Variants in C16orf74 observed in about 807,000 individuals in gnomAD.
C16orf74 encodes calcimembrin, also known as uncharacterized protein C16orf74.
A neutral mutation model predicts 6.5 loss-of-function variants in C16orf74; 10 were observed. The ratio of observed to expected loss-of-function variants is 1.54; its 90% CI spans 0.95 to 2.61. The LOEUF is 2.61. Ranked by LOEUF, C16orf74 falls within the 30% of genes most tolerant of loss-of-function variation. The probability of loss-of-function intolerance (pLI) is 0.00; values close to 1 mark genes in which losing one functional copy is unlikely to be tolerated. For missense variants in C16orf74, 141 were observed against 105.9 expected (o/e 1.33, Z -1.45); for synonymous variants, 60 against 42.5 (o/e 1.41, Z -1.60).
At chr16:85,730,974 T>C (rs903342549) in intron 2 of C16orf74, among the ~76,000 whole-genome samples, 1 of 152,162 alleles carries the variant, frequency 6.6e-6, no homozygotes, top group Non-Finnish European at 1.5e-5. Flanking sequence ...CTGAATTAAA[T>C]AAAACATATT....
intron 2 of C16orf74, among the ~76,000 whole-genome samples, chr16:85,721,238 T>C (rs2054079567): frequency 6.6e-6 from 1 of 151,778 alleles, no homozygotes; most frequent in Admixed American, 6.6e-5. Flanking sequence ...AGCCACGTAC[T>C]TGGCACCCTG....
intron 2 of C16orf74, among the ~76,000 whole-genome samples, chr16:85,731,552 G>C (rs1472707398): frequency 6.6e-6 from 1 of 152,148 alleles, no homozygotes; most frequent in Non-Finnish European, 1.5e-5. Context: ...TGGTGCCCTG[G>C]GCAGCGTGTA....
chr16:85,731,764 T>G (rs895953823), intron 2 of C16orf74, among the ~76,000 whole-genome samples: 1 of 152,090 alleles, frequency 6.6e-6, no homozygotes, highest in African/African-American at 2.4e-5. Context: ...CACAGCTCAC[T>G]GCAGCCTTGA....
intron 2 of C16orf74, among the ~76,000 whole-genome samples, chr16:85,715,978 TTG>T (rs2054019068): frequency 1.3e-5 from 2 of 152,046 alleles, no homozygotes; most frequent in Admixed American, 6.5e-5. Context: ...AAAGAGCTCC[TTG>T]CGGAGGCCCC....
At chr16:85,728,211 TG>T (rs1242940277) in intron 2 of C16orf74, among the ~76,000 whole-genome samples, 2 of 152,208 alleles carry the variant, frequency 1.3e-5, no homozygotes, top group Admixed American at 1.3e-4. Context: ...GGATTTGTAT[TG>T]ATTGGTTTGC....
chr16:85,735,208 T>G lies in C16orf74; in HGVS notation c.10A>C (p.Lys4Gln), dbSNP rs1355342416. Residue 4 changes from lysine (K) to glutamine (Q), a missense_variant, in exon 2 of 4, where the codon AAG becomes CAG. Coordinates refer to ENST00000284245, the MANE Select transcript of C16orf74 (RefSeq NM_206967.3). ...GCCTTACCTTTCAGGCAGGACATCT[T>G]AAGCCCCATGTCGGCACCTCTGCAG... MGL[K>Q]MSCLKGFQMC... The G allele has an allele frequency of 1.2e-6, 2 of 1,600,432 alleles. No homozygotes were observed. Among genetic ancestry groups the G allele is most frequent in the South Asian group, 2.2e-5 (2 of 89,238 alleles).
chr16:85,721,291 C>G (rs2054080090), intron 2 of C16orf74, among the ~76,000 whole-genome samples: 1 of 152,080 alleles, frequency 6.6e-6, no homozygotes, highest in South Asian at 2.1e-4. Context: ...GGTCCCCTAG[C>G]CTTGGCGCTG....
chr16:85,737,207 G>A (rs1257406350), intron 1 of C16orf74, among the ~76,000 whole-genome samples: 2 of 152,166 alleles, frequency 1.3e-5, no homozygotes, highest in Admixed American at 1.3e-4. Context: ...AGGAGGTCGA[G>A]GTTTCCAGCT....
intron 2 of C16orf74, among the ~76,000 whole-genome samples, chr16:85,721,018 GAGGC>G: frequency 6.6e-6 from 1 of 152,118 alleles, no homozygotes; most frequent in Non-Finnish European, 1.5e-5. Flanking sequence ...TTGAACCCAG[GAGGC>G]AGAGGTTGCA....
In C16orf74 at chr16:85,707,980, G is replaced by C. The variant is rs1472064756; in HGVS notation, c.*28C>G. 2.6e-6 allele frequency: 4 copies of C among 1,547,840 alleles called. No homozygotes were observed. The highest frequency in any genetic ancestry group is 1.2e-5 in the South Asian group (1 of 84,008). Reference sequence around the variant, plus strand: ...CTGAAGCCGGGCCGCTGGAGCAGGAGCCAGCCAGCCAAACCCAGGACACCT... The same window carrying C: ...CTGAAGCCGGGCCGCTGGAGCAGGACCCAGCCAGCCAAACCCAGGACACCT... On this transcript the variant is annotated 3_prime_UTR_variant, in exon 4 of 4. Transcript: ENST00000284245.
At chr16:85,733,498 C>A (rs1175469842) in intron 2 of C16orf74, among the ~76,000 whole-genome samples, 1 of 152,126 alleles carries the variant, frequency 6.6e-6, no homozygotes, top group Non-Finnish European at 1.5e-5. Flanking sequence ...ACACTGTGAA[C>A]GTGCTTAATG....
intron 2 of C16orf74, among the ~76,000 whole-genome samples, chr16:85,723,964 C>T (rs77266987): frequency 0.037 from 5,604 of 152,302 alleles, 140 homozygotes; most frequent in East Asian, 0.083. Context: ...CCATGTCCAG[C>T]AGCTGGTAAT....
chr16:85,707,944 C>T lies in C16orf74; in HGVS notation c.*64G>A. The stretch of plus-strand genomic sequence containing the variant: ...AGCACACCTGCTCCAGGCAGCCACG[C>T]CCCCGGACACCTGAAGCCGGGCCGC... On this transcript the variant is annotated 3_prime_UTR_variant, in exon 4 of 4. Coordinates refer to ENST00000284245, the MANE Select transcript of C16orf74 (RefSeq NM_206967.3). 2 of 1,419,484 alleles carry T rather than the reference C, an allele frequency of 1.4e-6. No individual in the cohort carries two copies. Among genetic ancestry groups the T allele is most frequent in the Non-Finnish European group, 9.7e-7 (1 of 1,031,526 alleles). The allele number at this position is 1,419,484 out of a possible 1,614,324, so 87.9% of individuals were successfully genotyped here.
intron 1 of C16orf74, among the ~76,000 whole-genome samples, chr16:85,744,454 T>C (rs1037653167): frequency 6.6e-6 from 1 of 152,002 alleles, no homozygotes; most frequent in Non-Finnish European, 1.5e-5. Flanking sequence ...CTGTTTATGT[T>C]CCCGTTGAAA....
At chr16:85,719,473 G>A (rs1343530962) in intron 2 of C16orf74, among the ~76,000 whole-genome samples, 1 of 152,146 alleles carries the variant, frequency 6.6e-6, no homozygotes. Context: ...TCTGGGCACT[G>A]ATCGTTTGAT....
chr16:85,732,362 G>A (rs955565178), intron 2 of C16orf74, among the ~76,000 whole-genome samples: 3 of 152,120 alleles, frequency 2.0e-5, no homozygotes, highest in African/African-American at 7.2e-5. Context: ...CTTCAAATAT[G>A]GAGTTAAAAT....
intron 1 of C16orf74, among the ~76,000 whole-genome samples, chr16:85,742,436 G>A (rs1341112296): frequency 1.3e-5 from 2 of 152,160 alleles, no homozygotes; most frequent in Non-Finnish European, 2.9e-5. Flanking sequence ...CTCGCCACAT[G>A]ATCTCTGTGG....
chr16:85,735,554 G>A (rs539794097), intron 1 of C16orf74, among the ~76,000 whole-genome samples: 21 of 152,272 alleles, frequency 1.4e-4, no homozygotes, highest in Non-Finnish European at 2.8e-4. Flanking sequence ...TGATGATGGG[G>A]AACCGACACC....
intron 2 of C16orf74, among the ~76,000 whole-genome samples, chr16:85,734,828 A>G (rs1316474986): frequency 6.6e-6 from 1 of 152,100 alleles, no homozygotes; most frequent in African/African-American, 2.4e-5. Context: ...TGTCTGGGTG[A>G]TAACAGGCCC....
Sources: gnomAD v4.1 joint callset for allele counts (sites outside exome capture counted in the v4.1 genomes callset) on GRCh38, gnomAD v4.1.1 for gene constraint, MANE v1.5 for transcripts, NCBI Gene and HGNC (gene_info 2026-07-23, HGNC 2026-07-21) for gene names.